The following IPCEF1 variants were observed in gnomAD, a reference collection of about 807,000 sequenced individuals.
The protein encoded by IPCEF1 is interactor protein for cytohesin exchange factors 1.
Under a neutral mutation model 50.9 loss-of-function variants are expected in IPCEF1, and 31 were observed. That is an observed-to-expected ratio of 0.61 (90% confidence interval 0.46 to 0.82). The LOEUF (loss-of-function observed/expected upper bound fraction) is 0.82. Among genes scored for constraint, IPCEF1 ranks in the 40% least tolerant of loss-of-function variants. The pLI is 0.00. For missense variants in IPCEF1, 458 were observed against 514.0 expected (o/e 0.89, Z 1.05); for synonymous variants, 181 against 192.0 (o/e 0.94, Z 0.47).
At chr6:154,205,006 T>C (rs1014489429) in intron 9 of IPCEF1, among the ~76,000 whole-genome samples, 4 of 152,108 alleles carry the variant, frequency 2.6e-5, no homozygotes, top group Non-Finnish European at 4.4e-5. Flanking sequence ...CCTGTGGATG[T>C]TGGGTGGACG....
At chr6:154,324,039 T>A (rs1005228639) in intron 1 of IPCEF1, among the ~76,000 whole-genome samples, 1 of 152,224 alleles carries the variant, frequency 6.6e-6, no homozygotes, top group Non-Finnish European at 1.5e-5. Flanking sequence ...ATGGGTACAG[T>A]GGGACTTCAT....
At position 154,258,085 on chromosome 6, in the gene IPCEF1, C is replaced by G. The variant is rs1166175253; in HGVS notation, c.36+7827G>C. Among the ~76,000 whole-genome samples the G allele has an allele frequency of 2.0e-5, 3 of 152,166 alleles. No individual in the cohort carries two copies. In the South Asian group the frequency reaches 6.2e-4, roughly 32 times the overall value. On this transcript the variant is annotated intron_variant, in intron 3 of 11. Coordinates refer to ENST00000367220, the MANE Select transcript of IPCEF1 (RefSeq NM_001130700.2). Reference sequence around the variant, plus strand: ...ACTGTATTTCCCTCCCCATTCTTCTCCTGGTTAATGCTTACTCATCCTCTG... The same window carrying G: ...ACTGTATTTCCCTCCCCATTCTTCTGCTGGTTAATGCTTACTCATCCTCTG...
chr6:154,335,312 A>G (rs1172295147), intron 1 of IPCEF1, among the ~76,000 whole-genome samples: 1 of 152,168 alleles, frequency 6.6e-6, no homozygotes, highest in Non-Finnish European at 1.5e-5. Flanking sequence ...CTTGCCACAT[A>G]ATATGTTTTG....
chr6:154,219,123 G>A (rs974836738), intron 7 of IPCEF1: 2 of 152,174 alleles, frequency 1.3e-5, no homozygotes, highest in Non-Finnish European at 2.9e-5. Flanking sequence ...ACACTGGGGC[G>A]GTGAGGAGGG....
At chr6:154,331,543 A>C (rs1317719806) in intron 1 of IPCEF1, among the ~76,000 whole-genome samples, 1 of 152,148 alleles carries the variant, frequency 6.6e-6, no homozygotes, top group Non-Finnish European at 1.5e-5. Flanking sequence ...AAGAAATAAT[A>C]ATATAATAAT....
chr6:154,289,356 G>C (rs1782453144), intron 2 of IPCEF1, among the ~76,000 whole-genome samples: 5 of 150,554 alleles, frequency 3.3e-5, no homozygotes, highest in Admixed American at 2.0e-4. Flanking sequence ...TTTATACTTG[G>C]GCATCTAAAC....
At chr6:154,290,754 C>T (rs544247294) in intron 1 of IPCEF1, among the ~76,000 whole-genome samples, 4 of 152,256 alleles carry the variant, frequency 2.6e-5, no homozygotes, top group South Asian at 2.1e-4. Flanking sequence ...CTAAAGAGGA[C>T]AGTAAAAATA....
At chr6:154,295,155 G>T (rs755392963) in intron 1 of IPCEF1, among the ~76,000 whole-genome samples, 3 of 151,802 alleles carry the variant, frequency 2.0e-5, no homozygotes, top group Non-Finnish European at 4.4e-5. Flanking sequence ...CTGAGATTGC[G>T]CCACTGCACT....
At chr6:154,184,490 A>AC (rs1554290140) in intron 10 of IPCEF1, among the ~76,000 whole-genome samples, 1 of 151,710 alleles carries the variant, frequency 6.6e-6, no homozygotes, top group Non-Finnish European at 1.5e-5. Context: ...TTCTATTTAC[A>AC]TTTTTTTTAA....
rs146426878 is a variant in IPCEF1 at position 154,206,216 on chromosome 6, C to G, written c.538-6176G>C. Reference sequence around the variant, plus strand: ...CATAAGCAGCTTGCAAATGCTACTTCCGATAGCTATGTGTATTTCTCTGGA... The same window carrying G: ...CATAAGCAGCTTGCAAATGCTACTTGCGATAGCTATGTGTATTTCTCTGGA... On this transcript the variant is annotated intron_variant, in intron 9 of 11. Coordinates refer to ENST00000367220, the MANE Select transcript of IPCEF1 (RefSeq NM_001130700.2). 2.8e-3 allele frequency among the ~76,000 whole-genome samples: 426 copies of G among 152,288 alleles called. 4 individuals are homozygous for G. Among genetic ancestry groups the G allele is most frequent in the African/African-American group, 9.7e-3 (401 of 41,552 alleles).
At chr6:154,323,421 T>C (rs1783439868) in intron 1 of IPCEF1, among the ~76,000 whole-genome samples, 1 of 136,060 alleles carries the variant, frequency 7.3e-6, no homozygotes, top group South Asian at 2.3e-4. Context: ...CCCTATTGAT[T>C]TGTTTCCCTT....
chr6:154,219,970 C>T (rs1034032394), intron 7 of IPCEF1, among the ~76,000 whole-genome samples: 1 of 146,046 alleles, frequency 6.8e-6, no homozygotes, highest in Non-Finnish European at 1.5e-5. Flanking sequence ...CAGAGCTGAG[C>T]GGATACCTGT....
intron 9 of IPCEF1, among the ~76,000 whole-genome samples, chr6:154,204,582 A>T (rs1777332664): frequency 6.6e-6 from 1 of 152,188 alleles, no homozygotes; most frequent in African/African-American, 2.4e-5. Flanking sequence ...CTTCTCTGTC[A>T]CTGACCTTCT....
intron 9 of IPCEF1, among the ~76,000 whole-genome samples, chr6:154,201,647 C>A (rs1024472483): frequency 6.6e-6 from 1 of 152,218 alleles, no homozygotes; most frequent in African/African-American, 2.4e-5. Context: ...GTAATCCCAG[C>A]ACTTTGGGAG....
chr6:154,239,379 AAAT>A (rs1780394142), intron 5 of IPCEF1, among the ~76,000 whole-genome samples: 1 of 152,260 alleles, frequency 6.6e-6, no homozygotes, highest in African/African-American at 2.4e-5. Flanking sequence ...TATAGACAAT[AAAT>A]AAACTAAATG....
At chr6:154,332,555 T>C (rs1583998478) in intron 1 of IPCEF1, among the ~76,000 whole-genome samples, 1 of 152,212 alleles carries the variant, frequency 6.6e-6, no homozygotes, top group Non-Finnish European at 1.5e-5. Context: ...TAAAAAATCT[T>C]GAAAACTGAA....
intron 1 of IPCEF1, among the ~76,000 whole-genome samples, chr6:154,339,476 T>C (rs1189214026): frequency 6.6e-6 from 1 of 151,950 alleles, no homozygotes; most frequent in African/African-American, 2.4e-5. Flanking sequence ...CGTCTTGCTA[T>C]ATTGCCCAAG....
intron 10 of IPCEF1, among the ~76,000 whole-genome samples, chr6:154,177,418 C>A (rs557692150): frequency 6.6e-6 from 1 of 152,248 alleles, no homozygotes; most frequent in African/African-American, 2.4e-5. Flanking sequence ...CCAGAATCTA[C>A]ACAGAACATA....
intron 5 of IPCEF1, among the ~76,000 whole-genome samples, chr6:154,232,609 T>C (rs1004522650): frequency 6.6e-6 from 1 of 151,944 alleles, no homozygotes; most frequent in African/African-American, 2.4e-5. Context: ...AGAGCTAAAA[T>C]AGGCTCAGGA....
Sources: allele counts gnomAD v4.1 joint callset (sites outside exome capture counted in the v4.1 genomes callset), GRCh38; gene constraint gnomAD v4.1.1; transcripts MANE v1.5; gene names NCBI Gene and HGNC (gene_info 2026-07-23, HGNC 2026-07-21).